SLC10A4: variants seen among roughly 807,000 people sequenced by gnomAD.
SLC10A4 encodes the protein solute carrier family 10 member 4.
SLC10A4 carries 17 observed loss-of-function variants against 22.5 expected under a neutral mutation model. The ratio of observed to expected loss-of-function variants is 0.76; its 90% CI spans 0.52 to 1.14. The LOEUF is 1.14. Among genes scored for constraint, SLC10A4 ranks in the 50% most tolerant of loss-of-function variants. The pLI is 0.00. For synonymous variants in SLC10A4, 257 were observed against 258.2 expected (o/e 1.00, Z 0.04); for missense variants, 548 against 584.0 (o/e 0.94, Z 0.64).
intron 2 of SLC10A4, among the ~76,000 whole-genome samples, chr4:48,485,834 G>A (rs1424819917): frequency 1.3e-5 from 2 of 152,066 alleles, no homozygotes; most frequent in Non-Finnish European, 2.9e-5. Flanking sequence ...TCTATAATTT[G>A]TGCAATATTT....
At chr4:48,488,188 A>G (rs1025177124) in intron 2 of SLC10A4, among the ~76,000 whole-genome samples, 2 of 150,538 alleles carry the variant, frequency 1.3e-5, no homozygotes. Flanking sequence ...CTCAATGGCT[A>G]GAGGTTATAG....
chr4:48,487,668 T>G (rs752545554), intron 2 of SLC10A4, among the ~76,000 whole-genome samples: 12 of 151,942 alleles, frequency 7.9e-5, no homozygotes, highest in Non-Finnish European at 1.3e-4. Flanking sequence ...GTGATGGAGG[T>G]TTAAGTTTGG....
Position 48,489,043 on chromosome 4 carries a change from C to A in SLC10A4, c.*104C>A. On this transcript the variant is annotated 3_prime_UTR_variant, in exon 3 of 3. Coordinates refer to ENST00000273861, the MANE Select transcript of SLC10A4 (RefSeq NM_152679.4). ...CATAAAAGATAACACTGGTTCACAT[C>A]ATACATGTAACAATTCTGATCTTTT... The A allele has an allele frequency of 7.8e-7, 1 of 1,286,712 alleles. No homozygotes were observed. Among genetic ancestry groups the A allele is most frequent in the Non-Finnish European group, 1.1e-6 (1 of 935,526 alleles). 79.7% of individuals were successfully genotyped at this position (1,286,712 alleles called of 1,614,324 possible). A position where few individuals can be genotyped will look rare whatever the true frequency, so the allele number is the denominator to read the frequency against.
chr4:48,484,632 G>T (rs964904321), intron 1 of SLC10A4, among the ~76,000 whole-genome samples: 1 of 152,202 alleles, frequency 6.6e-6, no homozygotes, highest in Non-Finnish European at 1.5e-5. Context: ...CTTGCAGGGG[G>T]CTTGCAAGGA....
rs375247954 is a variant in SLC10A4, at chr4:48,484,881, G to T, written c.591-51G>T. The T allele has an allele frequency of 2.1e-3, 3,192 of 1,546,104 alleles. 8 individuals are homozygous for T. The highest frequency in any genetic ancestry group is 2.5e-3 in the Non-Finnish European group (2,782 of 1,129,440). Reference sequence around the variant, plus strand: ...CAACATACAAGAAAAAGGTTAGCTGGCTGTTTGACTCAAAGCTCGTTCTGA... The same window carrying T: ...CAACATACAAGAAAAAGGTTAGCTGTCTGTTTGACTCAAAGCTCGTTCTGA... On this transcript the variant is annotated intron_variant, in intron 1 of 2. Transcript: ENST00000273861.
chr4:48,489,377 AC>A lies in SLC10A4; in HGVS notation c.*440del, dbSNP rs1160931215. Among the ~76,000 whole-genome samples, 1 of 152,250 alleles carries A rather than the reference AC, an allele frequency of 6.6e-6. No individual in the cohort carries two copies. Among genetic ancestry groups the A allele is most frequent in the African/African-American group, 2.4e-5 (1 of 41,464 alleles). On this transcript the variant is annotated 3_prime_UTR_variant, in exon 3 of 3. Coordinates refer to ENST00000273861, the MANE Select transcript of SLC10A4 (RefSeq NM_152679.4). ...AAATTCCTCACAATGTTGAATTTTGACCTGTATTCAGAAGAATTCCAAAACA... is the reference window on the plus strand; with the variant it reads ...AAATTCCTCACAATGTTGAATTTTGACTGTATTCAGAAGAATTCCAAAACA...
Position 48,484,126 on chromosome 4 carries a change from C to A in SLC10A4, c.565C>A (p.Leu189Met). 6.3e-7 allele frequency: 1 copy of A among 1,585,532 alleles called. No individual in the cohort carries two copies. The highest frequency in any genetic ancestry group is 8.6e-7 in the Non-Finnish European group (1 of 1,163,274). Reference protein sequence around the residue: ...GGNLSNLMSLLVDGDMNLSII... With the variant: ...GGNLSNLMSLMVDGDMNLSII... ...CAATCTCTCCAATCTTATGTCCCTGCTGGTTGACGGCGACATGAACCTCAG... is the reference window on the plus strand; with the variant it reads ...CAATCTCTCCAATCTTATGTCCCTGATGGTTGACGGCGACATGAACCTCAG... Residue 189 changes from leucine to methionine, a missense_variant, in exon 1 of 3, where the codon CTG becomes ATG. This residue lies in a region of SLC10A4 where 314 missense variants were observed against 353.2 expected (regional missense o/e 0.89). Transcript: ENST00000273861.
Position 48,484,002 on chromosome 4 carries a change from C to T in SLC10A4, c.441C>T (p.Phe147=), listed in dbSNP as rs1490294489. 1 of 1,578,762 alleles carries T rather than the reference C, an allele frequency of 6.3e-7. No homozygotes were observed. ...VGALLAALCQ[F]GLLPLLAFLL... is the part of the protein sequence containing the mutation. ...CGCTGCTGGCAGCGCTCTGCCAGTT[C>T]GGCCTCCTGCCGCTGCTGGCCTTCC... Residue 147 remains phenylalanine, a synonymous_variant, in exon 1 of 3, where the codon TTC becomes TTT. Transcript: ENST00000273861.
At chr4:48,486,544 TAGACATA>T (rs1283827199) in intron 2 of SLC10A4, among the ~76,000 whole-genome samples, 1 of 150,250 alleles carries the variant, frequency 6.7e-6, no homozygotes, top group East Asian at 1.9e-4. Context: ...TTAAATATAA[TAGACATA>T]AGATTAGCTA....
At position 48,489,045 on chromosome 4, in the gene SLC10A4, T is replaced by C. The variant is rs1718340808; in HGVS notation, c.*106T>C. On this transcript the variant is annotated 3_prime_UTR_variant, in exon 3 of 3. Coordinates refer to ENST00000273861, the MANE Select transcript of SLC10A4 (RefSeq NM_152679.4). ...TAAAAGATAACACTGGTTCACATCA[T>C]ACATGTAACAATTCTGATCTTTTTA... 2 of 1,275,458 alleles carry C rather than the reference T, an allele frequency of 1.6e-6. No individual in the cohort carries two copies. Among genetic ancestry groups the C allele is most frequent in the African/African-American group, 1.5e-5 (1 of 66,222 alleles). 79.0% of individuals were successfully genotyped at this position (1,275,458 alleles called of 1,614,324 possible). A position where few individuals can be genotyped will look rare whatever the true frequency, so the allele number is the denominator to read the frequency against.
Position 48,483,573 on chromosome 4 carries a change from C to T in SLC10A4, c.12C>T (p.Asn4=), listed in dbSNP as rs1305523940. The T allele has an allele frequency of 5.3e-6, 8 of 1,505,112 alleles. No individual in the cohort carries two copies. The highest frequency in any genetic ancestry group is 7.1e-6 in the Non-Finnish European group (8 of 1,131,338). The allele number at this position is 1,505,112 out of a possible 1,614,324, so 93.2% of individuals were successfully genotyped here. MDG[N]DNVTLLFAPL... is the part of the protein sequence containing the mutation. ...GCTCCGGCCGCGCCATGGACGGCAA[C>T]GACAACGTGACCCTGCTCTTCGCCC... The change falls in exon 1 of 3, where the codon AAC becomes AAT. Residue 4 remains asparagine (N), a synonymous_variant. Transcript: ENST00000273861. The surrounding 1 kb of genome is among the most constrained non-coding windows in gnomAD (Gnocchi z 5.4).
In SLC10A4 at chr4:48,484,162, G is replaced by C; in HGVS notation, c.590+11G>C. ...CGACATGAACCTCAGGTACGGATCT[G>C]TCTATTCCTTGGGCATCTGTCTCAT... On this transcript the variant is annotated intron_variant, in intron 1 of 2. Coordinates refer to ENST00000273861, the MANE Select transcript of SLC10A4 (RefSeq NM_152679.4). The C allele has an allele frequency of 6.5e-7, 1 of 1,547,466 alleles. No individual in the cohort carries two copies. The highest frequency in any genetic ancestry group is 1.7e-4 in the Middle Eastern group (1 of 5,810).
At position 48,483,499 on chromosome 4, in the gene SLC10A4, G is replaced by T. The variant is rs1007612941; in HGVS notation, c.-63G>T. On this transcript the variant is annotated 5_prime_UTR_variant, in exon 1 of 3. Coordinates refer to ENST00000273861, the MANE Select transcript of SLC10A4 (RefSeq NM_152679.4). This position sits in a 1 kb window ranked among gnomAD's most constrained non-coding sequence, Gnocchi z 5.4. Reference sequence around the variant, plus strand: ...CAGAACGACGGGCGGCGACTGCGGCGACCGCGGGACGGCGAGAGGCACGCG... The same window carrying T: ...CAGAACGACGGGCGGCGACTGCGGCTACCGCGGGACGGCGAGAGGCACGCG... 4 of 1,360,092 alleles carry T rather than the reference G, an allele frequency of 2.9e-6. No individual in the cohort carries two copies. The South Asian group carries it at 4.3e-5, about 15-fold the overall frequency. The allele number at this position is 1,360,092 out of a possible 1,614,324, so 84.3% of individuals were successfully genotyped here.
chr4:48,485,018 C>A lies in SLC10A4; in HGVS notation c.677C>A (p.Thr226Asn), dbSNP rs755786107. 4 of 1,614,116 alleles carry A rather than the reference C, an allele frequency of 2.5e-6. No individual in the cohort carries two copies. Among genetic ancestry groups the A allele is most frequent in the Non-Finnish European group, 1.7e-6 (2 of 1,180,008 alleles). ...ATCTACAGCTGGGCTTGGATCAACA[C>A]CCCTATCGTGCAGTTACTACCCCTA... ...LWIYSWAWINTPIVQLLPLGT... is the reference protein window; with the variant it reads ...LWIYSWAWINNPIVQLLPLGT... The change falls in exon 2 of 3, where the codon ACC becomes AAC. Residue 226 changes from threonine to asparagine, a missense_variant. Transcript: ENST00000273861.
chr4:48,483,797 G>A lies in SLC10A4; in HGVS notation c.236G>A (p.Ser79Asn). 2.6e-6 allele frequency: 4 copies of A among 1,512,008 alleles called. No homozygotes were observed. The South Asian group carries it at 3.7e-5, about 14-fold the overall frequency. 93.7% of individuals were successfully genotyped at this position (1,512,008 alleles called of 1,614,324 possible). A position where few individuals can be genotyped will look rare whatever the true frequency, so the allele number is the denominator to read the frequency against. The change falls in exon 1 of 3, where the codon AGC becomes AAC. Residue 79 changes from serine to asparagine, a missense_variant. Coordinates refer to ENST00000273861, the MANE Select transcript of SLC10A4 (RefSeq NM_152679.4). The surrounding 1 kb of genome is among the most constrained non-coding windows in gnomAD (Gnocchi z 5.4). Reference sequence around the variant, plus strand: ...AGCGGCCTCGCGGGCGGCGCGGCGAGCCACGGCCCTTCCCCGTTCCCTCGG... The same window carrying A: ...AGCGGCCTCGCGGGCGGCGCGGCGAACCACGGCCCTTCCCCGTTCCCTCGG... ...TTSGLAGGAA[S>N]HGPSPFPRPW...
chr4:48,483,438 T>C lies in SLC10A4; in HGVS notation c.-124T>C. On this transcript the variant is annotated 5_prime_UTR_variant, in exon 1 of 3. Transcript: ENST00000273861. This position sits in a 1 kb window ranked among gnomAD's most constrained non-coding sequence, Gnocchi z 5.4. ...GCCGCCCCCGACGCCGCCGAGCACG[T>C]CAGCGGCGCGCAGCCGGGGCTCGGA... is the stretch of plus-strand genomic sequence containing the variant. The C allele has an allele frequency of 1.3e-6, 1 of 747,954 alleles. No individual in the cohort carries two copies. Among genetic ancestry groups the C allele is most frequent in the South Asian group, 2.8e-5 (1 of 35,318 alleles). 46.3% of individuals were successfully genotyped at this position (747,954 alleles called of 1,614,324 possible). A position where few individuals can be genotyped will look rare whatever the true frequency, so the allele number is the denominator to read the frequency against.
chr4:48,489,096 G>A lies in SLC10A4; in HGVS notation c.*157G>A, dbSNP rs2148672825. The A allele has an allele frequency of 1.2e-6, 1 of 830,396 alleles. No individual in the cohort carries two copies. Among genetic ancestry groups the A allele is most frequent in the Non-Finnish European group, 1.8e-6 (1 of 558,344 alleles). The allele number at this position is 830,396 out of a possible 1,614,324, so 51.4% of individuals were successfully genotyped here. A position where few individuals can be genotyped will look rare whatever the true frequency, so the allele number is the denominator to read the frequency against. ...AGGTTCACTGGTGTATTAACCAAAC[G>A]TTGTCACAAATTACAAATCAATGCT... On this transcript the variant is annotated 3_prime_UTR_variant, in exon 3 of 3. Transcript: ENST00000273861.
In SLC10A4 at chr4:48,488,411, A is replaced by G; in HGVS notation, c.802-16A>G. 3 of 1,562,306 alleles carry G rather than the reference A, an allele frequency of 1.9e-6. No individual in the cohort carries two copies. The highest frequency in any genetic ancestry group is 1.7e-6 in the Non-Finnish European group (2 of 1,153,122). ...AGTTCATCTTCAACCATCTCATTGT[A>G]ATTTTCTATTACTAGGTTTCCCTGT... On this transcript the variant is annotated splice_polypyrimidine_tract_variant and intron_variant, in intron 2 of 2. Transcript: ENST00000273861.
Position 48,483,732 on chromosome 4 carries a change from C to T in SLC10A4, c.171C>T (p.Gly57=). The T allele has an allele frequency of 9.1e-6, 13 of 1,435,694 alleles. No individual in the cohort carries two copies. The highest frequency in any genetic ancestry group is 1.2e-5 in the Non-Finnish European group (13 of 1,103,232). 88.9% of individuals were successfully genotyped at this position (1,435,694 alleles called of 1,614,324 possible). The change falls in exon 1 of 3, where the codon GGC becomes GGT. Residue 57 remains glycine (G), a synonymous_variant. Coordinates refer to ENST00000273861, the MANE Select transcript of SLC10A4 (RefSeq NM_152679.4). The surrounding 1 kb of genome is among the most constrained non-coding windows in gnomAD (Gnocchi z 5.4). ...GLSLGPGPSF[G]FSPGPTPTPE... ...GCCTCGGGCCGGGTCCGAGCTTCGG[C>T]TTCAGCCCCGGCCCCACTCCGACCC... is the stretch of plus-strand genomic sequence containing the variant.
Sources: allele counts gnomAD v4.1 joint callset (sites outside exome capture counted in the v4.1 genomes callset), GRCh38; gene constraint gnomAD v4.1.1; regional missense constraint gnomAD v4.1.1; non-coding constraint Gnocchi (gnomAD v3.1); transcripts MANE v1.5; gene names NCBI Gene and HGNC (gene_info 2026-07-23, HGNC 2026-07-21).